MRTFB: variants seen among roughly 807,000 people sequenced by gnomAD.
MRTFB encodes the protein myocardin related transcription factor B, also known as myocardin-related transcription factor B.
MRTFB carries 29 observed loss-of-function variants against 104.2 expected under a neutral mutation model. The ratio of observed to expected loss-of-function variants is 0.28; its 90% CI spans 0.21 to 0.38. MRTFB has a LOEUF of 0.38. MRTFB is among the 10% of genes least tolerant of loss of function. The pLI is 1.00. For synonymous variants in MRTFB, 535 were observed against 519.5 expected, an observed-to-expected ratio of 1.03 and a Z score of -0.41; for missense variants, 1,270 against 1,341.6, an observed-to-expected ratio of 0.95 and a Z score of 0.83.
the MRTFB span, among the ~76,000 whole-genome samples, chr16:14,003,755 G>T: frequency 4.1e-3 from 617 of 151,284 alleles, no homozygotes; most frequent in Non-Finnish European, 6.7e-3. Flanking sequence ...AGACTAGAGG[G>T]GGGAAACTCA....
chr16:14,106,174 C>G (rs1016032390), intron 2 of MRTFB, among the ~76,000 whole-genome samples: 1 of 152,162 alleles, frequency 6.6e-6, no homozygotes, highest in Admixed American at 6.5e-5. Context: ...AGCTCAGATT[C>G]TCCTGGTAAA....
chr16:14,202,931 A>G (rs2040771941), intron 3 of MRTFB, among the ~76,000 whole-genome samples: 1 of 152,300 alleles, frequency 6.6e-6, no homozygotes, highest in Middle Eastern at 3.4e-3. Flanking sequence ...TTCACTTAAT[A>G]CTATTTAAAC....
At chr16:14,062,474 T>C in the MRTFB span, among the ~76,000 whole-genome samples, 1 of 152,130 alleles carries the variant, frequency 6.6e-6, no homozygotes, top group East Asian at 1.9e-4. Context: ...GGGAAAGCCA[T>C]TGGTGGCAAC....
the MRTFB span, among the ~76,000 whole-genome samples, chr16:13,995,213 C>G: frequency 6.6e-6 from 1 of 152,286 alleles, no homozygotes; most frequent in African/African-American, 2.4e-5. Context: ...GAAGCAAAAT[C>G]CATTCCTTTT....
At chr16:14,258,284 T>C (rs1448190331) in intron 16 of MRTFB, 123 bp downstream of exon 16, 8 of 759,444 alleles carry the variant, frequency 1.1e-5, no homozygotes, top group Non-Finnish European at 1.7e-5. Context: ...TCTAACTGAA[T>C]TTACTGTTTT....
chr16:14,222,572 G>GTTT (rs55658275), intron 8 of MRTFB, among the ~76,000 whole-genome samples: 1 of 148,120 alleles, frequency 6.8e-6, no homozygotes, highest in Admixed American at 6.7e-5. Flanking sequence ...CCCTGTTTAG[G>GTTT]TTTTTTTTTT....
chr16:14,003,186 G>A, the MRTFB span, among the ~76,000 whole-genome samples: 8 of 152,110 alleles, frequency 5.3e-5, no homozygotes, highest in Admixed American at 4.6e-4. Flanking sequence ...CCTTGCAGAG[G>A]AGCCCTGTGA....
the MRTFB span, among the ~76,000 whole-genome samples, chr16:14,012,765 G>T: frequency 6.6e-6 from 1 of 152,070 alleles, no homozygotes; most frequent in Non-Finnish European, 1.5e-5. Flanking sequence ...ACTCAGGGCT[G>T]CCTGAGTCCA....
the MRTFB span, among the ~76,000 whole-genome samples, chr16:13,998,870 TCAAAAAAAAAAAAAAA>T: frequency 4.0e-5 from 1 of 24,728 alleles, no homozygotes; most frequent in African/African-American, 1.2e-4. Flanking sequence ...AGACTCTGTT[TCAAAAAAAAAAAAAAA>T]AAAAAAAAAA....
chr16:14,111,032 C>T (rs917428880), intron 2 of MRTFB, among the ~76,000 whole-genome samples: 4 of 152,220 alleles, frequency 2.6e-5, no homozygotes, highest in African/African-American at 9.7e-5. Context: ...CTAACACACC[C>T]TGCAGTGTAA....
upstream of MRTFB, among the ~76,000 whole-genome samples, chr16:14,070,353 C>T (rs7203748): frequency 0.059 from 9,049 of 152,282 alleles, 826 homozygotes; most frequent in African/African-American, 0.2. Context: ...TTAGCCCTTC[C>T]TCTTTACAAA....
chr16:14,034,616 C>CA, the MRTFB span, among the ~76,000 whole-genome samples: 2,422 of 57,624 alleles, frequency 0.042, 86 homozygotes, highest in African/African-American at 0.12. Context: ...CTCCATCTCA[C>CA]AAAAAAAAAA....
At chr16:14,060,972 CT>C in the MRTFB span, among the ~76,000 whole-genome samples, 1 of 152,088 alleles carries the variant, frequency 6.6e-6, no homozygotes, top group Non-Finnish European at 1.5e-5. Flanking sequence ...CAGTGAAACC[CT>C]GTCTCTACTA....
rs542286876 is a variant in MRTFB, at chr16:14,148,050, T to A, written c.154+7290T>A. Among the ~76,000 whole-genome samples the A allele has an allele frequency of 2.6e-5, 4 of 152,348 alleles. No individual in the cohort carries two copies. In the East Asian group the frequency reaches 7.7e-4, roughly 29 times the overall value. Reference sequence around the variant, plus strand: ...ACTTTCATAAAAGTAGAGCCCACCATGTCATTTATATTACACATTGGACCA... The same window carrying A: ...ACTTTCATAAAAGTAGAGCCCACCAAGTCATTTATATTACACATTGGACCA... On this transcript the variant is annotated intron_variant, in intron 3 of 16. Transcript: ENST00000571589.
At chr16:14,073,488 T>C (rs1023698440) in intron 1 of MRTFB, among the ~76,000 whole-genome samples, 1 of 152,248 alleles carries the variant, frequency 6.6e-6, no homozygotes, top group Non-Finnish European at 1.5e-5. Flanking sequence ...TGTTTTGTTT[T>C]TTCTTTCTTT....
chr16:14,245,647 T>C lies in MRTFB; in HGVS notation c.1199T>C (p.Leu400Pro), dbSNP rs1393326541. 2 of 1,612,156 alleles carry C rather than the reference T, an allele frequency of 1.2e-6. No individual in the cohort carries two copies. The highest frequency in any genetic ancestry group is 1.7e-6 in the Non-Finnish European group (2 of 1,179,598). The stretch of plus-strand genomic sequence containing the variant: ...AAGCCAGGACCTCTGCCTTCTAGCC[T>C]GGATGACTTAAAGGTGACAATTGCA... ...VRKPGPLPSSLDDLKVSELKT... is the reference protein window; with the variant it reads ...VRKPGPLPSSPDDLKVSELKT... Residue 400 changes from leucine (L) to proline (P), a missense_variant, in exon 11 of 17, where the codon CTG becomes CCG. By Grantham distance (98) the Leu-to-Pro change is moderately conservative. Around this residue, in one of 3 missense-constraint regions of MRTFB, gnomAD observed 1,144 missense variants for 1,131.5 expected, o/e 1.01. Transcript: ENST00000571589.
At chr16:14,214,975 G>A (rs1332664912) in intron 6 of MRTFB, 1 of 152,176 alleles carries the variant, frequency 6.6e-6, no homozygotes, top group African/African-American at 2.4e-5. Flanking sequence ...GTAGGGTAGA[G>A]CAGCTACCAG....
At chr16:14,245,784 A>C in intron 11 of MRTFB, 124 bp downstream of exon 11, 1 of 1,077,496 alleles carries the variant, frequency 9.3e-7, no homozygotes, top group East Asian at 2.6e-5. Flanking sequence ...ACAATATGAT[A>C]ATCTTTATAA....
At position 14,186,065 on chromosome 16, in the gene MRTFB, T is replaced by TA. The variant is rs543531376; in HGVS notation, c.155-24170dup. 8.3e-3 allele frequency among the ~76,000 whole-genome samples: 1,267 copies of TA among 152,162 alleles called. 6 individuals are homozygous for TA. The highest frequency in any genetic ancestry group is 0.014 in the Non-Finnish European group (952 of 67,996). ...TAATGCATGGGGGGAGAATTTTCCT[T>TA]AAAAAAAATCATGGCAATGTTAACT... On this transcript the variant is annotated intron_variant, in intron 3 of 16. Coordinates refer to ENST00000571589, the MANE Select transcript of MRTFB (RefSeq NM_001308142.2).
Sources: gnomAD v4.1 joint callset for allele counts (sites outside exome capture counted in the v4.1 genomes callset) on GRCh38, gnomAD v4.1.1 for gene constraint, gnomAD v4.1.1 regional missense constraint, MANE v1.5 for transcripts, NCBI Gene and HGNC (gene_info 2026-07-23, HGNC 2026-07-21) for gene names.